CHLSN: variants seen among roughly 807,000 people sequenced by gnomAD.
The protein encoded by CHLSN is cholesin.
At chr7:987,609 T>G in the CHLSN span, 13 of 1,350,074 alleles carry the variant, frequency 9.6e-6, no homozygotes, top group Non-Finnish European at 1.3e-5. Flanking sequence ...CTGGGACGGC[T>G]GAGCGTCTGG....
the CHLSN span, among the ~76,000 whole-genome samples, chr7:1,069,033 T>C: frequency 6.6e-6 from 1 of 152,138 alleles, no homozygotes; most frequent in African/African-American, 2.4e-5. Flanking sequence ...AAGACCGTCA[T>C]TAAAAGTCTC....
the CHLSN span, among the ~76,000 whole-genome samples, chr7:1,018,424 C>T: frequency 6.6e-6 from 1 of 152,226 alleles, no homozygotes; most frequent in African/African-American, 2.4e-5. Context: ...CGTCTCAGAG[C>T]CTGGCCCCGA....
At chr7:1,097,447 A>T in the CHLSN span, among the ~76,000 whole-genome samples, 1 of 152,242 alleles carries the variant, frequency 6.6e-6, no homozygotes. The surrounding 1 kb of genome is among the most constrained non-coding windows in gnomAD (Gnocchi z 4.3). Flanking sequence ...GAAAAGCAGG[A>T]GTCTGCAAGT....
chr7:1,137,737 G>A, the CHLSN span: 1 of 152,232 alleles, frequency 6.6e-6, no homozygotes, highest in Non-Finnish European at 1.5e-5. Flanking sequence ...GAGCCCAGGA[G>A]GTGGAGGCTG....
At chr7:999,755 T>TACTA in the CHLSN span, among the ~76,000 whole-genome samples, 1 of 152,264 alleles carries the variant, frequency 6.6e-6, no homozygotes, top group Admixed American at 6.5e-5. Context: ...TGGCCTCTAG[T>TACTA]AACGTGGGCG....
chr7:1,085,808 G>A, the CHLSN span, among the ~76,000 whole-genome samples: 65 of 151,874 alleles, frequency 4.3e-4, no homozygotes, highest in African/African-American at 1.5e-3. Context: ...ACACTGGCCT[G>A]GGCAACAGAG....
chr7:997,921 G>C, the CHLSN span: 4 of 950,436 alleles, frequency 4.2e-6, no homozygotes, highest in African/African-American at 6.8e-5. Context: ...TCCTCCCACT[G>C]CGGCCCGAGG....
chr7:1,053,984 G>A, the CHLSN span, among the ~76,000 whole-genome samples: 1 of 152,242 alleles, frequency 6.6e-6, no homozygotes, highest in Non-Finnish European at 1.5e-5. Flanking sequence ...GGCGGGTCAA[G>A]GAGACTTGTC....
the CHLSN span, among the ~76,000 whole-genome samples, chr7:1,053,004 C>T: frequency 6.6e-6 from 1 of 152,252 alleles, no homozygotes; most frequent in Non-Finnish European, 1.5e-5. Context: ...CCCCGTTCCT[C>T]TTTCCCTTGA....
the CHLSN span, chr7:1,043,986 C>G: frequency 6.6e-6 from 1 of 152,280 alleles, no homozygotes; most frequent in Non-Finnish European, 1.5e-5. Context: ...TTCAACTTTT[C>G]CAATGTTTAA....
the CHLSN span, among the ~76,000 whole-genome samples, chr7:1,118,360 T>C: frequency 6.6e-6 from 1 of 152,146 alleles, no homozygotes; most frequent in African/African-American, 2.4e-5. Flanking sequence ...AGAGAATCAA[T>C]TGACAATAGA....
At chr7:1,095,361 C>T in the CHLSN span, among the ~76,000 whole-genome samples, 2 of 151,528 alleles carry the variant, frequency 1.3e-5, no homozygotes, top group African/African-American at 4.9e-5. Flanking sequence ...TCCCCGACAC[C>T]CGGGCACTCT....
the CHLSN span, chr7:1,092,244 C>T: frequency 7.4e-6 from 12 of 1,612,510 alleles, no homozygotes; most frequent in South Asian, 6.6e-5. Flanking sequence ...GCACCAAGCA[C>T]CACGCCCGGC....
the CHLSN span, among the ~76,000 whole-genome samples, chr7:1,075,652 A>G: frequency 6.3e-4 from 88 of 139,492 alleles, no homozygotes; most frequent in Non-Finnish European, 1.1e-3. Context: ...TTGCTCTGTC[A>G]CCCAGGCTGG....
At chr7:1,092,829 G>A in the CHLSN span, 17 of 1,612,926 alleles carry the variant, frequency 1.1e-5, no homozygotes, top group African/African-American at 2.7e-5. Flanking sequence ...CCGAGCAGTC[G>A]GATGTGAGGT....
chr7:1,064,661 AC>A, the CHLSN span, among the ~76,000 whole-genome samples: 1 of 152,088 alleles, frequency 6.6e-6, no homozygotes. Context: ...CCCTGCATCC[AC>A]CCAAACTAGC....
the CHLSN span, among the ~76,000 whole-genome samples, chr7:1,004,212 T>C: frequency 1.7e-3 from 263 of 152,234 alleles, 2 homozygotes; most frequent in African/African-American, 6.1e-3. Context: ...CGTGGGCCCC[T>C]GTGAGGTGCA....
chr7:986,134 AACTC>A, the CHLSN span, among the ~76,000 whole-genome samples: 71 of 152,168 alleles, frequency 4.7e-4, no homozygotes, highest in Middle Eastern at 0.024. Context: ...CGCCGCGTGG[AACTC>A]ACTACTGGCG....
the CHLSN span, among the ~76,000 whole-genome samples, chr7:1,114,656 C>A: frequency 1.3e-5 from 2 of 152,262 alleles, no homozygotes; most frequent in Non-Finnish European, 2.9e-5. Flanking sequence ...GAGGCCAGCT[C>A]TCCCATGGGT....
Sources: gnomAD v4.1 joint callset for allele counts (sites outside exome capture counted in the v4.1 genomes callset) on GRCh38, gnomAD v4.1.1 for gene constraint, Gnocchi (gnomAD v3.1) non-coding constraint, MANE v1.5 for transcripts, NCBI Gene and HGNC (gene_info 2026-07-23, HGNC 2026-07-21) for gene names.